The following ZNF30 variants were observed in gnomAD, a reference collection of about 807,000 sequenced individuals.
ZNF30 encodes the protein zinc finger protein 30.
Under a neutral mutation model 13.2 loss-of-function variants are expected in ZNF30, and 15 were observed. The ratio of observed to expected loss-of-function variants is 1.13; its 90% CI spans 0.76 to 1.75. The LOEUF (loss-of-function observed/expected upper bound fraction) is 1.75, where lower values mean the gene tolerates loss of function less well. ZNF30 is among the 40% of genes most tolerant of loss of function. The pLI is 0.00. For synonymous variants in ZNF30, 223 were observed against 256.6 expected, an observed-to-expected ratio of 0.87 and a Z score of 1.25; for missense variants, 726 against 757.0, an observed-to-expected ratio of 0.96 and a Z score of 0.48.
chr19:34,939,179 C>A, intron 4 of ZNF30, among the ~76,000 whole-genome samples: 1 of 134,632 alleles, frequency 7.4e-6, no homozygotes, highest in Non-Finnish European at 1.6e-5. Flanking sequence ...GCTCCCCTCC[C>A]TCCCCTATCC....
At chr19:34,939,468 G>A (rs1216206701) in intron 4 of ZNF30, among the ~76,000 whole-genome samples, 6 of 150,842 alleles carry the variant, frequency 4.0e-5, no homozygotes, top group South Asian at 2.1e-4. Flanking sequence ...GTGAGCCACC[G>A]TGCCCGGCCT....
At chr19:34,930,007 A>G (rs1260928971) in intron 2 of ZNF30, 51 bp downstream of exon 2, 2 of 1,539,458 alleles carry the variant, frequency 1.3e-6, no homozygotes, top group African/African-American at 1.4e-5. Flanking sequence ...TTACGTGGCT[A>G]TTTTCCTTAA....
chr19:34,924,572 T>C (rs945335943), upstream of ZNF30, among the ~76,000 whole-genome samples: 2 of 152,198 alleles, frequency 1.3e-5, no homozygotes, highest in Non-Finnish European at 2.9e-5. Context: ...TGAGTCCTTA[T>C]TTGTCTTGAA....
upstream of ZNF30, chr19:34,923,844 T>C (rs1355169036): frequency 6.6e-6 from 1 of 152,212 alleles, no homozygotes. Context: ...ACTATCCTAG[T>C]TGGAAACACA....
chr19:34,944,523 G>A lies in ZNF30; in HGVS notation c.1557G>A (p.Lys519=), dbSNP rs749102126. Residue 519 remains lysine (K), a synonymous_variant, in exon 5 of 5, where the codon AAG becomes AAA. Coordinates refer to ENST00000601142, the MANE Select transcript of ZNF30 (RefSeq NM_194325.3). The part of the protein sequence containing the change: ...KKPYECKECG[K]AFSSGSYLVQ... ...CCTATGAGTGTAAGGAGTGTGGCAA[G>A]GCCTTCAGTTCTGGCTCATACCTTG... is the stretch of plus-strand genomic sequence containing the variant. 4 of 1,614,040 alleles carry A rather than the reference G, an allele frequency of 2.5e-6. No homozygotes were observed. In the South Asian group the frequency reaches 4.4e-5, roughly 18 times the overall value.
At chr19:34,943,198 A>G in intron 4 of ZNF30, 25 bp from the exon 5 acceptor site, 2 of 1,418,714 alleles carry the variant, frequency 1.4e-6, no homozygotes, top group Non-Finnish European at 9.2e-7. Flanking sequence ...TAGAAAAATA[A>G]GATATTTTTA....
intron 4 of ZNF30, among the ~76,000 whole-genome samples, chr19:34,939,169 G>C (rs2546010): frequency 0.28 from 7,484 of 26,914 alleles, 488 homozygotes; most frequent in Middle Eastern, 0.35. Context: ...CCCTCCCTCC[G>C]CTCCCCTCCC....
intron 4 of ZNF30, among the ~76,000 whole-genome samples, chr19:34,941,701 G>A (rs894867959): frequency 6.6e-6 from 1 of 152,198 alleles, no homozygotes; most frequent in Non-Finnish European, 1.5e-5. Context: ...CTAAAGGCAG[G>A]TATTGAGTTC....
At position 34,944,071 on chromosome 19, in the gene ZNF30, A is replaced by G. The variant is rs755154647; in HGVS notation, c.1105A>G (p.Ile369Val). ...TGCACATCAGCGAATTCATGCAGAG[A>G]TAAAGCCCTACGGATGCAAGGAATG... is the stretch of plus-strand genomic sequence containing the variant. The part of the protein sequence containing the change: ...LHAHQRIHAE[I>V]KPYGCKECGR... Residue 369 changes from isoleucine to valine, a missense_variant, in exon 5 of 5, where the codon ATA (isoleucine) becomes GTA (valine). Physicochemically the swap from Ile to Val is conservative, Grantham distance 29. Transcript: ENST00000601142. 2.3e-5 allele frequency: 37 copies of G among 1,613,498 alleles called. No individual in the cohort carries two copies. The highest frequency in any genetic ancestry group is 1.6e-4 in the Middle Eastern group (1 of 6,074).
rs772605533 is a variant in ZNF30, at chr19:34,944,348, G to C, written c.1382G>C (p.Cys461Ser). Residue 461 changes from cysteine (C) to serine (S), a missense_variant, in exon 5 of 5, where the codon TGT (cysteine) becomes TCT (serine). Cys to Ser is a moderately radical substitution (Grantham distance 112). Coordinates refer to ENST00000601142, the MANE Select transcript of ZNF30 (RefSeq NM_194325.3). ...GAGAAACCCTATGAGTGTAAGGAAT[G>C]TGGCAAGGCCTTCAGAGTGCACGTA... ...TGEKPYECKE[C>S]GKAFRVHVHL... The C allele has an allele frequency of 8.7e-6, 14 of 1,614,092 alleles. No individual in the cohort carries two copies. The highest frequency in any genetic ancestry group is 1.2e-5 in the Non-Finnish European group (14 of 1,180,046).
upstream of ZNF30, among the ~76,000 whole-genome samples, chr19:34,925,386 G>A (rs2012028763): frequency 6.6e-6 from 1 of 152,220 alleles, no homozygotes; most frequent in Admixed American, 6.5e-5. Flanking sequence ...GGAGCCAGAA[G>A]GGAAATGGTT....
intron 2 of ZNF30, among the ~76,000 whole-genome samples, chr19:34,931,538 A>C (rs752122542): frequency 6.6e-6 from 1 of 152,216 alleles, no homozygotes; most frequent in Non-Finnish European, 1.5e-5. Flanking sequence ...ATTGTTTTTG[A>C]GAATTTGTTT....
chr19:34,932,234 G>T (rs1006024199), intron 3 of ZNF30, among the ~76,000 whole-genome samples: 1 of 152,156 alleles, frequency 6.6e-6, no homozygotes, highest in African/African-American at 2.4e-5. Flanking sequence ...TGCTCTAAAT[G>T]CTCTGTGAAA....
chr19:34,944,215 C>A lies in ZNF30; in HGVS notation c.1249C>A (p.Gln417Lys). Residue 417 changes from glutamine (Q) to lysine (K), a missense_variant, in exon 5 of 5, where the codon CAG becomes AAG. Physicochemically the swap from Gln to Lys is moderately conservative, Grantham distance 53. Transcript: ENST00000601142. Reference protein sequence around the residue: ...KAFSTGSYLVQHQRIHTGEKP... With the variant: ...KAFSTGSYLVKHQRIHTGEKP... Reference sequence around the variant, plus strand: ...CTTTAGTACTGGCTCATACCTTGTTCAGCATCAGAGGATCCATACTGGGGA... The same window carrying A: ...CTTTAGTACTGGCTCATACCTTGTTAAGCATCAGAGGATCCATACTGGGGA... The A allele has an allele frequency of 6.2e-7, 1 of 1,613,600 alleles. No individual in the cohort carries two copies. The highest frequency in any genetic ancestry group is 8.5e-7 in the Non-Finnish European group (1 of 1,179,842).
chr19:34,934,883 A>G (rs1305761622), intron 4 of ZNF30, among the ~76,000 whole-genome samples: 2 of 152,120 alleles, frequency 1.3e-5, no homozygotes, highest in Non-Finnish European at 2.9e-5. Flanking sequence ...ATACCTATGT[A>G]ACAGACCTGC....
Position 34,943,835 on chromosome 19 carries a change from G to A in ZNF30, c.869G>A (p.Cys290Tyr). The A allele has an allele frequency of 6.2e-7, 1 of 1,613,598 alleles. No individual in the cohort carries two copies. The highest frequency in any genetic ancestry group is 8.5e-7 in the Non-Finnish European group (1 of 1,179,906). ...RIHTSEKPYE[C>Y]KECGKAFSTS... ...CATACCAGTGAAAAACCTTACGAAT[G>A]CAAAGAATGTGGGAAGGCCTTTAGC... The change falls in exon 5 of 5, where the codon TGC becomes TAC. Residue 290 changes from cysteine (C) to tyrosine (Y), a missense_variant. Cys to Tyr is a radical substitution (Grantham distance 194). Coordinates refer to ENST00000601142, the MANE Select transcript of ZNF30 (RefSeq NM_194325.3).
chr19:34,924,052 G>A (rs2011988810), upstream of ZNF30, among the ~76,000 whole-genome samples: 1 of 152,102 alleles, frequency 6.6e-6, no homozygotes, highest in Admixed American at 6.5e-5. Context: ...CCAGCTGTAG[G>A]GTTTGTGAGT....
chr19:34,936,294 G>A lies in ZNF30; in HGVS notation c.256+2571G>A, dbSNP rs751971020. ...GATTAGGATGTTAATGGTGGACAGC[G>A]GTGAGAAGGCAGAGTGTTCATCATA... On this transcript the variant is annotated intron_variant, in intron 4 of 4. Coordinates refer to ENST00000601142, the MANE Select transcript of ZNF30 (RefSeq NM_194325.3). Among the ~76,000 whole-genome samples the A allele has an allele frequency of 1.1e-4, 16 of 152,120 alleles. 1 individual carries two copies. Among genetic ancestry groups the A allele is most frequent in the Admixed American group, 4.6e-4 (7 of 15,268 alleles).
At chr19:34,929,543 G>A (rs910861524) in intron 1 of ZNF30, among the ~76,000 whole-genome samples, 1 of 152,196 alleles carries the variant, frequency 6.6e-6, no homozygotes. Flanking sequence ...TGGATTGGGT[G>A]ATATGGACTC....
Sources: gnomAD v4.1 joint callset for allele counts (sites outside exome capture counted in the v4.1 genomes callset) on GRCh38, gnomAD v4.1.1 for gene constraint, MANE v1.5 for transcripts, NCBI Gene and HGNC (gene_info 2026-07-23, HGNC 2026-07-21) for gene names.